PDE3A: variants seen among roughly 807,000 people sequenced by gnomAD.
The protein encoded by PDE3A is cGMP-inhibited 3',5'-cyclic phosphodiesterase 3A.
Under a neutral mutation model 98.3 loss-of-function variants are expected in PDE3A, and 43 were observed. The observed-to-expected ratio is 0.44, with a 90% CI of 0.34 to 0.56. The LOEUF (loss-of-function observed/expected upper bound fraction) is 0.56. PDE3A is among the 20% of genes least tolerant of loss of function. PDE3A has a pLI of 0.01. For synonymous variants in PDE3A, 663 were observed against 567.9 expected (o/e 1.17, Z -2.38); for missense variants, 1,427 against 1,440.7 (o/e 0.99, Z 0.15).
intron 1 of PDE3A, among the ~76,000 whole-genome samples, chr12:20,422,948 G>C (rs901682588): frequency 3.3e-5 from 5 of 152,096 alleles, no homozygotes; most frequent in Non-Finnish European, 5.9e-5. Context: ...GTTATATTAT[G>C]TTACAGTAAT....
chr12:20,504,678 G>T (rs977520749), intron 1 of PDE3A, among the ~76,000 whole-genome samples: 1 of 151,812 alleles, frequency 6.6e-6, no homozygotes, highest in African/African-American at 2.4e-5. Context: ...CTTGGCTTGC[G>T]ACCCTCTTTC....
chr12:20,508,290 C>A (rs1050406024), intron 1 of PDE3A, among the ~76,000 whole-genome samples: 3 of 151,806 alleles, frequency 2.0e-5, no homozygotes, highest in Non-Finnish European at 4.4e-5. Flanking sequence ...AAATGGAAAC[C>A]CCACCCCCCA....
chr12:20,667,170 G>C (rs1241748168), intron 15 of PDE3A, among the ~76,000 whole-genome samples: 1 of 151,796 alleles, frequency 6.6e-6, no homozygotes, highest in Admixed American at 6.6e-5. Context: ...GTATATTCTG[G>C]ATATTAGTTC....
Position 20,552,239 on chromosome 12 carries a change from G to A in PDE3A, c.961-4421G>A, listed in dbSNP as rs1209382146. 2.5e-6 allele frequency: 4 copies of A among 1,613,824 alleles called. No individual in the cohort carries two copies. Among genetic ancestry groups the A allele is most frequent in the Admixed American group, 1.7e-5 (1 of 59,994 alleles). On this transcript the variant is annotated intron_variant, in intron 1 of 15. Transcript: ENST00000359062. The surrounding 1 kb of genome is among the most constrained non-coding windows in gnomAD (Gnocchi z 5.1). The stretch of plus-strand genomic sequence containing the variant: ...TCGGGGAAGCCGGTCAGGGTGGTGC[G>A]CAATGTCAAGGGTGGCAAGAATAGC...
At chr12:20,441,452 C>G (rs11611895) in intron 1 of PDE3A, among the ~76,000 whole-genome samples, 49,215 of 152,016 alleles carry the variant, frequency 0.32, 8,485 homozygotes, top group Non-Finnish European at 0.38. Context: ...TCATAAAATG[C>G]ATTAGATTGA....
chr12:20,687,931 A>AC lies in PDE3A; in HGVS notation c.*7660_*7661insC, dbSNP rs1338655910. Among the ~76,000 whole-genome samples the AC allele has an allele frequency of 6.6e-6, 1 of 150,954 alleles. No individual in the cohort carries two copies. The highest frequency in any genetic ancestry group is 2.4e-5 in the African/African-American group (1 of 41,228). ...TCCCAACAGAAAAAAAAAAAAAAAA[A>AC]AAAAAACTGGCATTGGCAAGTTTTA... is the stretch of plus-strand genomic sequence containing the variant. On this transcript the variant is annotated 3_prime_UTR_variant, in exon 16 of 16. Coordinates refer to ENST00000359062, the MANE Select transcript of PDE3A (RefSeq NM_000921.5).
intron 1 of PDE3A, among the ~76,000 whole-genome samples, chr12:20,410,527 T>C (rs1004180751): frequency 1.3e-5 from 2 of 152,190 alleles, no homozygotes; most frequent in African/African-American, 4.8e-5. Flanking sequence ...ATCCTGCCCT[T>C]TGTTCTAGAA....
At chr12:20,429,020 G>T (rs1944649880) in intron 1 of PDE3A, among the ~76,000 whole-genome samples, 1 of 152,274 alleles carries the variant, frequency 6.6e-6, no homozygotes, top group South Asian at 2.1e-4. Context: ...TTCATTTACT[G>T]AGAAAATTTC....
chr12:20,558,376 G>A (rs1942423658), intron 2 of PDE3A, among the ~76,000 whole-genome samples: 1 of 151,960 alleles, frequency 6.6e-6, no homozygotes, highest in African/African-American at 2.4e-5. Context: ...AAAGCCTGAG[G>A]TGGTTCTAAA....
At chr12:20,609,129 C>T (rs981198197) in intron 2 of PDE3A, among the ~76,000 whole-genome samples, 1 of 151,944 alleles carries the variant, frequency 6.6e-6, no homozygotes, top group Admixed American at 6.6e-5. Context: ...ATGATATTAT[C>T]TCTATTTGCA....
intron 2 of PDE3A, among the ~76,000 whole-genome samples, chr12:20,600,370 C>T (rs1026339072): frequency 2.6e-4 from 40 of 152,180 alleles, no homozygotes; most frequent in African/African-American, 9.7e-4. Context: ...CCTGACTCCT[C>T]TCTCCACACA....
At chr12:20,406,204 A>G (rs1944229934) in intron 1 of PDE3A, among the ~76,000 whole-genome samples, 1 of 152,208 alleles carries the variant, frequency 6.6e-6, no homozygotes, top group Admixed American at 6.5e-5. Context: ...GGGAGGGCAG[A>G]TATCTCTGTG....
rs775123617 is a variant in PDE3A, at chr12:20,572,117, C to CTGAT, written c.1011+15409_1011+15412dup. ...CTGAACTTTAAAGAACATCTCATTACTGATTATACATGGTGACGATATTTT... is the reference window on the plus strand; with the variant it reads ...CTGAACTTTAAAGAACATCTCATTACTGATTGATTATACATGGTGACGATATTTT... On this transcript the variant is annotated intron_variant, in intron 2 of 15. Transcript: ENST00000359062. The CTGAT allele has an allele frequency of 3.1e-6, 4 of 1,275,702 alleles. No individual in the cohort carries two copies. The South Asian group carries it at 5.1e-5, about 16-fold the overall frequency. The allele number at this position is 1,275,702 out of a possible 1,614,324, so 79.0% of individuals were successfully genotyped here.
intron 15 of PDE3A, among the ~76,000 whole-genome samples, chr12:20,663,172 C>T (rs1945219946): frequency 2.6e-5 from 4 of 152,172 alleles, no homozygotes; most frequent in Non-Finnish European, 4.4e-5. Context: ...GGAACCTCCA[C>T]CTAGATTAAA....
chr12:20,603,201 C>CTGT (rs1219704144), intron 2 of PDE3A, among the ~76,000 whole-genome samples: 15 of 152,258 alleles, frequency 9.9e-5, no homozygotes, highest in African/African-American at 3.4e-4. Flanking sequence ...ATCTCTTACA[C>CTGT]TGTTTATTCG....
At chr12:20,383,354 G>A (rs1307810382) in intron 1 of PDE3A, among the ~76,000 whole-genome samples, 1 of 151,820 alleles carries the variant, frequency 6.6e-6, no homozygotes, top group Admixed American at 6.6e-5. Flanking sequence ...ATATACCAGT[G>A]GTGCCATTAT....
At chr12:20,663,556 A>T (rs1026433161) in intron 15 of PDE3A, among the ~76,000 whole-genome samples, 4 of 152,166 alleles carry the variant, frequency 2.6e-5, no homozygotes, top group Non-Finnish European at 1.5e-5. Context: ...GTCAAAGGAG[A>T]TCATTTTTTA....
intron 5 of PDE3A, among the ~76,000 whole-genome samples, chr12:20,628,242 A>G (rs994179577): frequency 6.6e-6 from 1 of 152,258 alleles, no homozygotes; most frequent in African/African-American, 2.4e-5. Context: ...GTGCAGAATC[A>G]TACATTGACT....
chr12:20,567,355 GC>G (rs1942687404), intron 2 of PDE3A, among the ~76,000 whole-genome samples: 1 of 151,892 alleles, frequency 6.6e-6, no homozygotes, highest in South Asian at 2.1e-4. Flanking sequence ...AAGCCAAGAA[GC>G]CTTTTGTTTT....
Sources: gnomAD v4.1 joint callset for allele counts (sites outside exome capture counted in the v4.1 genomes callset) on GRCh38, gnomAD v4.1.1 for gene constraint, Gnocchi (gnomAD v3.1) non-coding constraint, MANE v1.5 for transcripts, NCBI Gene and HGNC (gene_info 2026-07-23, HGNC 2026-07-21) for gene names.